Variants in PCDHA13 observed in about 807,000 individuals in gnomAD.
The protein encoded by PCDHA13 is protocadherin alpha 13.
In PCDHA13, 54 loss-of-function variants were observed where a neutral mutation model predicts 64.8. The observed-to-expected ratio is 0.83, with a 90% CI of 0.67 to 1.04. PCDHA13 has a LOEUF of 1.04. PCDHA13 is among the 50% of genes least tolerant of loss of function. The pLI is 0.00. For synonymous variants in PCDHA13, 587 were observed against 564.4 expected (o/e 1.04, Z -0.57); for missense variants, 1,248 against 1,254.3 (o/e 0.99, Z 0.08).
Position 140,959,507 on chromosome 5 carries a change from T to C in PCDHA13, c.2395-19442T>C, listed in dbSNP as rs144994756. 4.4e-3 allele frequency among the ~76,000 whole-genome samples: 673 copies of C among 152,282 alleles called. 7 individuals are homozygous for C. Among genetic ancestry groups the C allele is most frequent in the African/African-American group, 0.015 (604 of 41,550 alleles). On this transcript the variant is annotated intron_variant, in intron 1 of 3. Coordinates refer to ENST00000289272, the MANE Select transcript of PCDHA13 (RefSeq NM_018904.3). Reference sequence around the variant, plus strand: ...GTTATATATGGATCAAACTAAAAAATTTTAAGATCTTTAAGACCATTAATT... The same window carrying C: ...GTTATATATGGATCAAACTAAAAAACTTTAAGATCTTTAAGACCATTAATT...
At chr5:140,966,818 C>T in intron 1 of PCDHA13, 1 of 1,554,294 alleles carries the variant, frequency 6.4e-7, no homozygotes, top group Admixed American at 1.9e-5. Flanking sequence ...ACGGCTCCGG[C>T]GGCCCATGCC....
In PCDHA13 at chr5:140,882,539, G is replaced by A. The variant is rs1303287274; in HGVS notation, c.271G>A (p.Asp91Asn). 2 of 1,614,110 alleles carry A rather than the reference G, an allele frequency of 1.2e-6. No individual in the cohort carries two copies. The highest frequency in any genetic ancestry group is 2.7e-5 in the African/African-American group (2 of 74,936). Residue 91 changes from aspartate (D) to asparagine (N), a missense_variant, in exon 1 of 4, where the codon GAC becomes AAC. Transcript: ENST00000289272. ...CATTTTGTTTGTGAATTCTCGGATC[G>A]ACCGCGAGGAGCTGTGTGGGCGGAG... is the stretch of plus-strand genomic sequence containing the variant. ...NGILFVNSRI[D>N]REELCGRSAE...
intron 3 of PCDHA13, among the ~76,000 whole-genome samples, chr5:140,988,142 A>G (rs1017336547): frequency 5.3e-5 from 8 of 152,056 alleles, no homozygotes; most frequent in African/African-American, 1.4e-4. Context: ...AACCTGTTCA[A>G]CCTCAACTTC....
chr5:140,895,820 T>A (rs1409721318), intron 1 of PCDHA13, among the ~76,000 whole-genome samples: 2 of 152,156 alleles, frequency 1.3e-5, no homozygotes, highest in Non-Finnish European at 2.9e-5. Context: ...TATTGTATTG[T>A]ATTTTTTTCA....
In PCDHA13 at chr5:140,884,064, C is replaced by A. The variant is rs150717183; in HGVS notation, c.1796C>A (p.Ala599Asp). The change falls in exon 1 of 4, where the codon GCC becomes GAC. Residue 599 changes from alanine (A) to aspartate (D), a missense_variant. Transcript: ENST00000289272. ...GTGGCGAAGGTGCGCGCGGTGGACGCCGATTCGGGCTACAATGCGTGGCTT... is the reference window on the plus strand; with the variant it reads ...GTGGCGAAGGTGCGCGCGGTGGACGACGATTCGGGCTACAATGCGTGGCTT... ...HVVAKVRAVD[A>D]DSGYNAWLSY... 2.3e-3 allele frequency: 3,707 copies of A among 1,613,502 alleles called. 15 individuals carry two copies. Among genetic ancestry groups the A allele is most frequent in the Middle Eastern group, 9.0e-3 (54 of 5,970 alleles).
chr5:140,969,542 C>T, intron 1 of PCDHA13: 1 of 1,279,490 alleles, frequency 7.8e-7, no homozygotes, highest in South Asian at 1.6e-5. Flanking sequence ...TTTTCAGAGG[C>T]ATGAAGCCTT....
rs782577579 is a variant in PCDHA13, at chr5:140,978,981, T to G, written c.2427T>G (p.Ser809=). The G allele has an allele frequency of 1.4e-5, 22 of 1,614,096 alleles. No individual in the cohort carries two copies. Among genetic ancestry groups the G allele is most frequent in the Non-Finnish European group, 1.8e-5 (21 of 1,180,040 alleles). The change falls in exon 2 of 4, where the codon TCT becomes TCG. Residue 809 remains serine (S), a synonymous_variant. Transcript: ENST00000289272. ...PRQPNPDWRY[S]ASLRAGMHSS... ...AGCCCAACCCTGACTGGCGTTACTC[T>G]GCCTCCCTGAGAGCAGGCATGCACA... is the stretch of plus-strand genomic sequence containing the variant.
At chr5:140,990,022 G>C (rs891983888) in intron 3 of PCDHA13, among the ~76,000 whole-genome samples, 1 of 152,156 alleles carries the variant, frequency 6.6e-6, no homozygotes, top group Non-Finnish European at 1.5e-5. Flanking sequence ...GCTAGGCAAA[G>C]GATGGGAGAA....
chr5:140,907,009 C>A (rs2193983), intron 1 of PCDHA13, among the ~76,000 whole-genome samples: 26,809 of 152,052 alleles, frequency 0.18, 2,652 homozygotes, highest in African/African-American at 0.27. Flanking sequence ...GGAACTAAGA[C>A]CTCTAGGCCA....
At chr5:140,966,874 A>C (rs782520756) in intron 1 of PCDHA13, 275 of 1,584,454 alleles carry the variant, frequency 1.7e-4, no homozygotes, top group Non-Finnish European at 2.3e-4. Flanking sequence ...TGCTGCTGCT[A>C]CCTGGCCCTG....
chr5:140,884,562 A>C lies in PCDHA13; in HGVS notation c.2294A>C (p.His765Pro), dbSNP rs782650365. 1 of 1,614,166 alleles carries C rather than the reference A, an allele frequency of 6.2e-7. No homozygotes were observed. Among genetic ancestry groups the C allele is most frequent in the Non-Finnish European group, 8.5e-7 (1 of 1,180,020 alleles). The change falls in exon 1 of 4, where the codon CAT becomes CCT. Residue 765 changes from histidine (H) to proline (P), a missense_variant. Transcript: ENST00000289272. ...AGGGTGTGCTCTGGGGAGGGCCCGC[A>C]TAAGACGGACCTCATGGCCTTCAGT... is the stretch of plus-strand genomic sequence containing the variant. ...RPRVCSGEGPHKTDLMAFSPS... is the reference protein window; with the variant it reads ...RPRVCSGEGPPKTDLMAFSPS...
intron 1 of PCDHA13, among the ~76,000 whole-genome samples, chr5:140,933,894 A>G (rs2089494206): frequency 6.6e-6 from 1 of 151,894 alleles, no homozygotes; most frequent in Non-Finnish European, 1.5e-5. Context: ...ACTTTTGAAT[A>G]TTTTGGCATA....
chr5:140,896,902 G>C (rs1427098120), intron 1 of PCDHA13, among the ~76,000 whole-genome samples: 1 of 152,044 alleles, frequency 6.6e-6, no homozygotes, highest in Non-Finnish European at 1.5e-5. Context: ...TTTGATACAA[G>C]CATGCAATGC....
intron 3 of PCDHA13, among the ~76,000 whole-genome samples, chr5:141,004,676 G>C (rs1198896698): frequency 6.6e-6 from 1 of 152,168 alleles, no homozygotes; most frequent in Non-Finnish European, 1.5e-5. Context: ...AAGGACTGTG[G>C]AGTGGTGCTG....
intron 1 of PCDHA13, among the ~76,000 whole-genome samples, chr5:140,972,662 T>A (rs1188844189): frequency 1.5e-4 from 8 of 54,766 alleles, no homozygotes; most frequent in African/African-American, 8.1e-4. Context: ...GAAACCAAAT[T>A]TTTTTTTTTT....
intron 1 of PCDHA13, among the ~76,000 whole-genome samples, chr5:140,891,046 C>T (rs576145840): frequency 6.6e-6 from 1 of 152,270 alleles, no homozygotes; most frequent in African/African-American, 2.4e-5. Context: ...GTGACCCCCA[C>T]AGCACATAGT....
At chr5:140,898,323 G>A (rs2066657733) in intron 1 of PCDHA13, among the ~76,000 whole-genome samples, 1 of 152,132 alleles carries the variant, frequency 6.6e-6, no homozygotes, top group Admixed American at 6.5e-5. Context: ...ATGGTTTTGG[G>A]TCTAACGTTT....
intron 1 of PCDHA13, among the ~76,000 whole-genome samples, chr5:140,936,396 A>G (rs983509296): frequency 1.4e-4 from 22 of 152,112 alleles, no homozygotes; most frequent in African/African-American, 5.3e-4. Flanking sequence ...AAACTGGGCT[A>G]CTCAATTTTT....
chr5:141,006,567 C>T (rs2098278386), intron 3 of PCDHA13, among the ~76,000 whole-genome samples: 1 of 152,030 alleles, frequency 6.6e-6, no homozygotes, highest in Admixed American at 6.6e-5. Flanking sequence ...ACTCTGGCTA[C>T]TGTGTGGAGG....
Sources: gnomAD v4.1 joint callset for allele counts (sites outside exome capture counted in the v4.1 genomes callset) on GRCh38, gnomAD v4.1.1 for gene constraint, MANE v1.5 for transcripts, NCBI Gene and HGNC (gene_info 2026-07-23, HGNC 2026-07-21) for gene names.